The following CREB1 variants were observed in gnomAD, a reference collection of about 807,000 sequenced individuals.
The protein encoded by CREB1 is cyclic AMP-responsive element-binding protein 1.
CREB1 carries 2 observed loss-of-function variants against 42.0 expected under a neutral mutation model. That is an observed-to-expected ratio of 0.05 (90% CI 0.02 to 0.15). The LOEUF is 0.15. Ranked by LOEUF, CREB1 falls within the 10% of genes least tolerant of loss-of-function variation. The pLI, the probability that CREB1 is intolerant of heterozygous loss-of-function variation, is 1.00. For synonymous variants in CREB1, 123 were observed against 139.9 expected (o/e 0.88, Z 0.85); for missense variants, 199 against 388.9 (o/e 0.51, Z 4.11).
At chr2:207,563,907 G>A (rs1003421593) in intron 3 of CREB1, among the ~76,000 whole-genome samples, 3 of 152,078 alleles carry the variant, frequency 2.0e-5, no homozygotes, top group African/African-American at 7.2e-5. Flanking sequence ...TCATGCTGCT[G>A]TACTCCAGCC....
intron 7 of CREB1, among the ~76,000 whole-genome samples, chr2:207,589,840 G>A (rs969907369): frequency 6.6e-6 from 1 of 152,074 alleles, no homozygotes; most frequent in African/African-American, 2.4e-5. Flanking sequence ...TACATTGCTG[G>A]ATTCAATTTG....
intron 1 of CREB1, among the ~76,000 whole-genome samples, 157 bp from the exon 2 acceptor site, chr2:207,555,471 A>T (rs2106453592): frequency 6.6e-6 from 1 of 152,322 alleles, no homozygotes; most frequent in South Asian, 2.1e-4. Context: ...AATAAGTTTG[A>T]TGGTAATTCA....
Position 207,597,153 on chromosome 2 carries a change from C to CT in CREB1, c.*102dup. 7.3e-7 allele frequency: 1 copy of CT among 1,376,176 alleles called. No homozygotes were observed. The highest frequency in any genetic ancestry group is 9.7e-7 in the Non-Finnish European group (1 of 1,034,048). The allele number at this position is 1,376,176 out of a possible 1,614,324, so 85.2% of individuals were successfully genotyped here. ...TAAACATTTTATTTTCTAAACATTT[C>CT]TTTTTTTCTATGCGCAAAACTGCCT... On this transcript the variant is annotated 3_prime_UTR_variant, in exon 8 of 8. Coordinates refer to ENST00000353267, the MANE Select transcript of CREB1 (RefSeq NM_004379.5).
intron 5 of CREB1, 31 bp from the exon 6 acceptor site, chr2:207,575,241 A>G: frequency 6.2e-7 from 1 of 1,601,662 alleles, no homozygotes; most frequent in Non-Finnish European, 8.5e-7. Flanking sequence ...ATGGTATTAA[A>G]CTTGTAACAA....
intron 1 of CREB1, among the ~76,000 whole-genome samples, chr2:207,544,350 T>G (rs544997623): frequency 5.3e-5 from 8 of 152,374 alleles, no homozygotes; most frequent in Admixed American, 5.2e-4. Flanking sequence ...TAGGCAGCTA[T>G]TCTTTCTTTT....
chr2:207,585,453 C>G (rs1408950334), intron 7 of CREB1, among the ~76,000 whole-genome samples: 1 of 152,166 alleles, frequency 6.6e-6, no homozygotes, highest in East Asian at 1.9e-4. Context: ...TCTACAAAAG[C>G]CAGTCCATAA....
intron 1 of CREB1, among the ~76,000 whole-genome samples, chr2:207,533,148 C>T (rs1458608478): frequency 6.6e-6 from 1 of 150,820 alleles, no homozygotes; most frequent in Non-Finnish European, 1.5e-5. Flanking sequence ...ACAGAGTTTG[C>T]TTGAAGAATG....
At chr2:207,577,004 AGTTTT>A in intron 6 of CREB1, 2 of 901,598 alleles carry the variant, frequency 2.2e-6, no homozygotes, top group Non-Finnish European at 1.3e-6. Context: ...TCATACTTTT[AGTTTT>A]GTTTTAATTC....
chr2:207,580,083 T>C (rs2082797283), intron 7 of CREB1, among the ~76,000 whole-genome samples: 1 of 152,222 alleles, frequency 6.6e-6, no homozygotes. Flanking sequence ...AGCTCCAGTA[T>C]ATATTATTTT....
In CREB1 at chr2:207,604,810, A is replaced by G. The variant is rs1470984455; in HGVS notation, c.*7752A>G. ...TGTTTCTTTGGATTTACATCCGGGT[A>G]TTTCATGTGAGACTCATACACTGTG... is the stretch of plus-strand genomic sequence containing the variant. On this transcript the variant is annotated 3_prime_UTR_variant, in exon 8 of 8. Transcript: ENST00000353267. 1.3e-5 allele frequency among the ~76,000 whole-genome samples: 2 copies of G among 152,080 alleles called. No individual in the cohort carries two copies. Among genetic ancestry groups the G allele is most frequent in the Non-Finnish European group, 1.5e-5 (1 of 68,016 alleles).
At chr2:207,561,215 AATT>A (rs1683654809) in intron 3 of CREB1, 1 of 1,430,662 alleles carries the variant, frequency 7.0e-7, no homozygotes, top group African/African-American at 1.4e-5. Flanking sequence ...GAAGGTGAGA[AATT>A]ATTCTTTATG....
intron 7 of CREB1, among the ~76,000 whole-genome samples, chr2:207,586,514 T>A (rs2551647): frequency 0.16 from 23,688 of 152,152 alleles, 2,037 homozygotes; most frequent in Middle Eastern, 0.21. Context: ...GGCAAAAACT[T>A]CATGGCTAAG....
intron 2 of CREB1, chr2:207,559,011 T>C (rs1019320241): frequency 1.3e-5 from 2 of 152,250 alleles, no homozygotes; most frequent in Non-Finnish European, 2.9e-5. Flanking sequence ...CAGTGGCTTC[T>C]GCAATACCCT....
intron 6 of CREB1, chr2:207,576,721 C>A: frequency 8.4e-7 from 1 of 1,196,192 alleles, no homozygotes; most frequent in Non-Finnish European, 1.1e-6. Flanking sequence ...TAAATCTTTT[C>A]CACTCAAACC....
chr2:207,565,176 T>C (rs1241812321), intron 3 of CREB1, among the ~76,000 whole-genome samples: 2 of 152,140 alleles, frequency 1.3e-5, no homozygotes, highest in Admixed American at 1.3e-4. Flanking sequence ...GGTACATTTA[T>C]GTTATAATTT....
intron 6 of CREB1, among the ~76,000 whole-genome samples, chr2:207,575,920 T>C (rs1269608636): frequency 7.8e-6 from 1 of 128,472 alleles, no homozygotes; most frequent in Non-Finnish European, 1.7e-5. Flanking sequence ...AGTTCAGGAT[T>C]CTGTTTCTCT....
intron 3 of CREB1, among the ~76,000 whole-genome samples, chr2:207,561,925 A>C (rs1313198446): frequency 6.6e-6 from 1 of 152,138 alleles, no homozygotes; most frequent in Admixed American, 6.5e-5. Context: ...TTTGACACTT[A>C]AGTGGGAGCG....
chr2:207,583,899 C>T lies in CREB1; in HGVS notation c.839+6244C>T, dbSNP rs191745145. Among the ~76,000 whole-genome samples the T allele has an allele frequency of 1.4e-3, 217 of 152,326 alleles. 1 individual carries two copies. Among genetic ancestry groups the T allele is most frequent in the Non-Finnish European group, 2.7e-3 (181 of 68,024 alleles). On this transcript the variant is annotated intron_variant, in intron 7 of 7. Coordinates refer to ENST00000353267, the MANE Select transcript of CREB1 (RefSeq NM_004379.5). Reference sequence around the variant, plus strand: ...TCTACCCTTATAGTTCTGCCTATTCCATAATCTCTTATAAATGGTATCTTA... The same window carrying T: ...TCTACCCTTATAGTTCTGCCTATTCTATAATCTCTTATAAATGGTATCTTA...
intron 6 of CREB1, 113 bp from the exon 7 acceptor site, chr2:207,577,392 T>G: frequency 7.3e-7 from 1 of 1,364,434 alleles, no homozygotes; most frequent in Non-Finnish European, 9.9e-7. Context: ...AATCATCTTT[T>G]CTTTTTTGTT....
Sources: allele counts gnomAD v4.1 joint callset (sites outside exome capture counted in the v4.1 genomes callset), GRCh38; gene constraint gnomAD v4.1.1; transcripts MANE v1.5; gene names NCBI Gene and HGNC (gene_info 2026-07-23, HGNC 2026-07-21).